The following CTNND2 variants were observed in gnomAD, a reference collection of about 807,000 sequenced individuals.
The protein encoded by CTNND2 is catenin delta-2.
CTNND2 carries 22 observed loss-of-function variants against 144.4 expected under a neutral mutation model. The ratio of observed to expected loss-of-function variants is 0.15; its 90% CI spans 0.11 to 0.22. CTNND2 has a LOEUF of 0.22. CTNND2 is among the 10% of genes least tolerant of loss of function. CTNND2 has a pLI of 1.00. For missense variants in CTNND2, 1,353 were observed against 1,618.8 expected (o/e 0.84, Z 2.82); for synonymous variants, 751 against 695.6 (o/e 1.08, Z -1.25).
chr5:11,262,747 G>C (rs1259080536), intron 9 of CTNND2, among the ~76,000 whole-genome samples: 2 of 85,646 alleles, frequency 2.3e-5, no homozygotes, highest in Non-Finnish European at 4.1e-5. Context: ...GGGTGACAGA[G>C]TAAGACTCTG....
intron 10 of CTNND2, among the ~76,000 whole-genome samples, chr5:11,203,473 C>T (rs901980881): frequency 4.7e-4 from 71 of 152,056 alleles, no homozygotes; most frequent in African/African-American, 1.6e-3. Flanking sequence ...GACAGAGTTG[C>T]GCTCTGTCAC....
intron 9 of CTNND2, among the ~76,000 whole-genome samples, chr5:11,330,840 C>CTG (rs145358688): frequency 0.1 from 15,224 of 151,054 alleles, 1,406 homozygotes; most frequent in African/African-American, 0.25. Flanking sequence ...CAAGTCCAGC[C>CTG]TGTGTGTGTC....
intron 3 of CTNND2, among the ~76,000 whole-genome samples, chr5:11,438,992 A>T (rs953907359): frequency 1.3e-5 from 2 of 152,004 alleles, no homozygotes; most frequent in Non-Finnish European, 2.9e-5. Flanking sequence ...AAATATCCAA[A>T]TGTTAGTTTT....
At chr5:11,888,869 A>C (rs548065701) in intron 1 of CTNND2, among the ~76,000 whole-genome samples, 65 of 151,874 alleles carry the variant, frequency 4.3e-4, no homozygotes, top group Non-Finnish European at 8.8e-4. Flanking sequence ...CTCCTGCCTC[A>C]ATCTCCTGAG....
At chr5:11,253,548 T>C (rs1743891189) in intron 9 of CTNND2, among the ~76,000 whole-genome samples, 1 of 152,180 alleles carries the variant, frequency 6.6e-6, no homozygotes, top group South Asian at 2.1e-4. Flanking sequence ...GCCTTTCACC[T>C]TCCACCATGA....
rs193254182 is a variant in CTNND2, at chr5:11,583,762, C to T, written c.175-18706G>A. ...TGTAAATTTCCTATTTAATTCTACA[C>T]ACCCAGAGATAAAATAAGTTCCTAA... On this transcript the variant is annotated intron_variant, in intron 2 of 21. Transcript: ENST00000304623. 6.9e-3 allele frequency among the ~76,000 whole-genome samples: 1,046 copies of T among 152,284 alleles called. 4 individuals are homozygous for T. The highest frequency in any genetic ancestry group is 0.012 in the Non-Finnish European group (811 of 68,020).
chr5:11,742,052 A>G (rs1788047679), intron 1 of CTNND2, among the ~76,000 whole-genome samples: 3 of 151,704 alleles, frequency 2.0e-5, no homozygotes, highest in South Asian at 2.1e-4. Flanking sequence ...ACTCGGGGGG[A>G]AAGGGTGGGA....
At chr5:11,135,540 T>C (rs570471348) in intron 12 of CTNND2, among the ~76,000 whole-genome samples, 1 of 152,208 alleles carries the variant, frequency 6.6e-6, no homozygotes, top group African/African-American at 2.4e-5. Context: ...ATTGAATGAC[T>C]TCATTTAATC....
At chr5:11,291,627 C>A (rs1494695) in intron 9 of CTNND2, among the ~76,000 whole-genome samples, 37,691 of 151,966 alleles carry the variant, frequency 0.25, 4,851 homozygotes, top group African/African-American at 0.3. Context: ...TCCTTTCTCT[C>A]TGGTACCGCC....
chr5:11,553,669 C>A (rs990174541), intron 3 of CTNND2, among the ~76,000 whole-genome samples: 1 of 151,980 alleles, frequency 6.6e-6, no homozygotes, highest in Non-Finnish European at 1.5e-5. Flanking sequence ...TTACAAACTC[C>A]ATGTTTTGGA....
At chr5:11,191,634 G>A (rs571968393) in intron 11 of CTNND2, among the ~76,000 whole-genome samples, 29 of 152,280 alleles carry the variant, frequency 1.9e-4, no homozygotes, top group African/African-American at 6.7e-4. Context: ...CGGGCAGAGG[G>A]CATCAGGGCT....
intron 3 of CTNND2, among the ~76,000 whole-genome samples, chr5:11,442,181 G>A (rs2149894545): frequency 6.6e-6 from 1 of 152,228 alleles, no homozygotes; most frequent in African/African-American, 2.4e-5. Context: ...ACTATTATCT[G>A]TTAACATATA....
At chr5:11,893,811 T>G (rs1737179596) in intron 1 of CTNND2, among the ~76,000 whole-genome samples, 1 of 152,166 alleles carries the variant, frequency 6.6e-6, no homozygotes, top group East Asian at 1.9e-4. Flanking sequence ...CTATACAATT[T>G]ATCACACAAC....
At chr5:11,768,849 C>T (rs986146028) in intron 1 of CTNND2, among the ~76,000 whole-genome samples, 3 of 152,196 alleles carry the variant, frequency 2.0e-5, no homozygotes, top group African/African-American at 7.2e-5. Context: ...CTCCATCTTT[C>T]AAACATGTGG....
At chr5:11,526,459 C>T (rs1773255780) in intron 3 of CTNND2, among the ~76,000 whole-genome samples, 1 of 152,136 alleles carries the variant, frequency 6.6e-6, no homozygotes, top group African/African-American at 2.4e-5. Flanking sequence ...GTGTATGCTG[C>T]CTTGTTTTAG....
intron 10 of CTNND2, among the ~76,000 whole-genome samples, chr5:11,218,771 G>A (rs569571557): frequency 1.2e-4 from 19 of 152,230 alleles, no homozygotes; most frequent in African/African-American, 1.4e-4. Context: ...GAGGTGTTGC[G>A]AGCCAGGAGA....
intron 3 of CTNND2, among the ~76,000 whole-genome samples, chr5:11,512,179 C>T (rs563639150): frequency 6.6e-6 from 1 of 152,278 alleles, no homozygotes; most frequent in East Asian, 1.9e-4. Context: ...TGCTTTAATG[C>T]TCTGCTGTTG....
intron 7 of CTNND2, among the ~76,000 whole-genome samples, chr5:11,370,937 C>T (rs1036324014): frequency 2.6e-5 from 4 of 152,034 alleles, no homozygotes; most frequent in African/African-American, 9.7e-5. Flanking sequence ...GAAGAAAAAT[C>T]CAAAATAAAA....
intron 2 of CTNND2, among the ~76,000 whole-genome samples, chr5:11,724,023 C>G (rs1786858885): frequency 6.6e-6 from 1 of 151,556 alleles, no homozygotes; most frequent in South Asian, 2.1e-4. Flanking sequence ...CCACTGCACT[C>G]CAGCCTGGGC....
Sources: allele counts gnomAD v4.1 joint callset (sites outside exome capture counted in the v4.1 genomes callset), GRCh38; gene constraint gnomAD v4.1.1; transcripts MANE v1.5; gene names NCBI Gene and HGNC (gene_info 2026-07-23, HGNC 2026-07-21).